The following STAB1 variants were observed in gnomAD, a reference collection of about 807,000 sequenced individuals.
The protein encoded by STAB1 is stabilin-1.
STAB1 carries 250 observed loss-of-function variants against 332.4 expected under a neutral mutation model. That is an observed-to-expected ratio of 0.75 (90% confidence interval 0.68 to 0.84). The LOEUF (loss-of-function observed/expected upper bound fraction) is 0.84. Ranked by LOEUF, STAB1 falls within the 40% of genes least tolerant of loss-of-function variation. STAB1 has a pLI of 0.00. For missense variants in STAB1, 3,249 were observed against 3,489.7 expected (o/e 0.93, Z 1.74); for synonymous variants, 1,475 against 1,390.4 (o/e 1.06, Z -1.35).
Position 52,521,518 on chromosome 3 carries a change from A to G in STAB1, c.6058+8A>G. On this transcript the variant is annotated splice_region_variant and intron_variant, in intron 56 of 68. Transcript: ENST00000321725. ...TTGGGCCCCATTGTCAAGGTGGGCC[A>G]TCCCTGCCTGCCCCACGGCCCGATT... 6.2e-7 allele frequency: 1 copy of G among 1,613,912 alleles called. No homozygotes were observed. The highest frequency in any genetic ancestry group is 1.3e-5 in the African/African-American group (1 of 75,052).
At position 52,517,399 on chromosome 3, in the gene STAB1, C is replaced by A; in HGVS notation, c.4563+6C>A. The A allele has an allele frequency of 6.3e-7, 1 of 1,599,250 alleles. No individual in the cohort carries two copies. The highest frequency in any genetic ancestry group is 8.5e-7 in the Non-Finnish European group (1 of 1,173,532). ...TCCCCACTGGCCCCCAGCAGGTCAG[C>A]ATGGCAGGGTTGGACATGGGGCATC... is the stretch of plus-strand genomic sequence containing the variant. On this transcript the variant is annotated splice_donor_region_variant and intron_variant, in intron 43 of 68. Coordinates refer to ENST00000321725, the MANE Select transcript of STAB1 (RefSeq NM_015136.3).
At chr3:52,515,364 C>A in intron 36 of STAB1, 59 bp from the exon 37 acceptor site, 1 of 1,533,822 alleles carries the variant, frequency 6.5e-7, no homozygotes, top group South Asian at 1.1e-5. Flanking sequence ...TCTCCCCATT[C>A]ACTGCCCTGC....
Position 52,524,331 on chromosome 3 carries a change from C to T in STAB1, c.7688C>T (p.Thr2563Ile), listed in dbSNP as rs1184624881. The change falls in exon 69 of 69, where the codon ACC (threonine) becomes ATC (isoleucine). Residue 2563 changes from threonine (T) to isoleucine (I), a missense_variant. Physicochemically the swap from Thr to Ile is moderately conservative, Grantham distance 89. Coordinates refer to ENST00000321725, the MANE Select transcript of STAB1 (RefSeq NM_015136.3). ...DSLLEEDFPD[T>I]QRILTVK ...CTGCTGGAGGAGGACTTCCCTGACA[C>T]CCAGAGGATCCTCACAGTCAAGTGA... The T allele has an allele frequency of 6.2e-6, 10 of 1,613,752 alleles. No individual in the cohort carries two copies. Among genetic ancestry groups the T allele is most frequent in the African/African-American group, 1.3e-5 (1 of 74,944 alleles).
chr3:52,501,408 C>T (rs1325307159), intron 2 of STAB1, 106 bp downstream of exon 2: 2 of 1,517,754 alleles, frequency 1.3e-6, no homozygotes, highest in Non-Finnish European at 1.8e-6. Context: ...ACTCACTTAT[C>T]CATGCCCCTG....
chr3:52,519,642 G>A, intron 50 of STAB1, 78 bp downstream of exon 50: 1 of 1,578,526 alleles, frequency 6.3e-7, no homozygotes, highest in Non-Finnish European at 8.7e-7. Flanking sequence ...GCGTACCTGT[G>A]TGTGCATACC....
intron 36 of STAB1, 103 bp downstream of exon 36, chr3:52,515,148 G>T (rs2078817110): frequency 1.7e-5 from 25 of 1,432,292 alleles, no homozygotes; most frequent in African/African-American, 9.9e-5. Context: ...CTTGGCCCAG[G>T]CATCCAGGCT....
chr3:52,509,795 C>T, intron 22 of STAB1, 75 bp from the exon 23 acceptor site: 3 of 1,572,150 alleles, frequency 1.9e-6, no homozygotes, highest in Non-Finnish European at 2.6e-6. Context: ...CCCTATATCC[C>T]CCAAACCCAT....
chr3:52,498,384 A>ACC (rs1708199246), intron 1 of STAB1, among the ~76,000 whole-genome samples: 1 of 152,176 alleles, frequency 6.6e-6, no homozygotes, highest in African/African-American at 2.4e-5. Context: ...AGCTGGACCA[A>ACC]CGGCAAGATG....
rs1303488561 is a variant in STAB1 at position 52,523,142 on chromosome 3, G to A, written c.7020+8G>A. On this transcript the variant is annotated splice_region_variant and intron_variant, in intron 63 of 68. Transcript: ENST00000321725. ...TTCTCCACCTTCTATGGGGTGTGTGGGGGCCACCCTTGGGGGCGGGGGGTG... is the reference window on the plus strand; with the variant it reads ...TTCTCCACCTTCTATGGGGTGTGTGAGGGCCACCCTTGGGGGCGGGGGGTG... 1.9e-6 allele frequency: 3 copies of A among 1,604,450 alleles called. No homozygotes were observed. Among genetic ancestry groups the A allele is most frequent in the South Asian group, 2.2e-5 (2 of 89,502 alleles).
At position 52,522,658 on chromosome 3, in the gene STAB1, T is replaced by G; in HGVS notation, c.6714T>G (p.Ala2238=). 2.5e-6 allele frequency: 4 copies of G among 1,612,936 alleles called. No individual in the cohort carries two copies. Among genetic ancestry groups the G allele is most frequent in the Non-Finnish European group, 3.4e-6 (4 of 1,180,026 alleles). ...AACEAQGAVL[A]SFPQLSAAQQ... ...GCGAAGCACAGGGAGCCGTCCTTGCTTCATTCCCTCAGCTCTCTGCTGCCC... is the reference window on the plus strand; with the variant it reads ...GCGAAGCACAGGGAGCCGTCCTTGCGTCATTCCCTCAGCTCTCTGCTGCCC... Residue 2238 remains alanine, a synonymous_variant, in exon 61 of 69, where the codon GCT becomes GCG. Coordinates refer to ENST00000321725, the MANE Select transcript of STAB1 (RefSeq NM_015136.3).
chr3:52,522,452 G>A lies in STAB1; in HGVS notation c.6588G>A (p.Met2196Ile), dbSNP rs1266625304. The A allele has an allele frequency of 6.2e-7, 1 of 1,613,060 alleles. No homozygotes were observed. The highest frequency in any genetic ancestry group is 1.3e-5 in the African/African-American group (1 of 74,946). The change falls in exon 60 of 69, where the codon ATG becomes ATA. Residue 2196 changes from methionine (M) to isoleucine (I), a missense_variant. Met to Ile is a conservative substitution (Grantham distance 10). Transcript: ENST00000321725. Reference protein sequence around the residue: ...GQPPPCHSDAMCTDLHFQEKR... With the variant: ...GQPPPCHSDAICTDLHFQEKR... Reference sequence around the variant, plus strand: ...CACCGCCCTGCCACTCAGATGCCATGTGCACTGACCTGCACTTCCAGGGTG... The same window carrying A: ...CACCGCCCTGCCACTCAGATGCCATATGCACTGACCTGCACTTCCAGGGTG...
At chr3:52,508,631 G>A (rs1709061435) in intron 21 of STAB1, 1 of 411,986 alleles carries the variant, frequency 2.4e-6, no homozygotes, top group Non-Finnish European at 4.6e-6. Flanking sequence ...AGACCAGCCT[G>A]GTCAACATGG....
intron 37 of STAB1, among the ~76,000 whole-genome samples, 183 bp from the exon 38 acceptor site, chr3:52,515,860 G>T (rs908817735): frequency 2.6e-5 from 4 of 152,170 alleles, no homozygotes; most frequent in Admixed American, 2.0e-4. Flanking sequence ...TCCCCACCCT[G>T]CCAGAGGGAG....
rs201907258 is a variant in STAB1 at position 52,512,879 on chromosome 3, T to C, written c.3079T>C (p.Ser1027Pro). 69 of 1,611,672 alleles carry C rather than the reference T, an allele frequency of 4.3e-5. No individual in the cohort carries two copies. The African/African-American group carries it at 8.1e-4, about 19-fold the overall frequency. ...CCGCCGAGTCACAGCCCTGGTGCCCTCCGAGGCTGCAGTCCGTCAGCTGAG... is the reference window on the plus strand; with the variant it reads ...CCGCCGAGTCACAGCCCTGGTGCCCCCCGAGGCTGCAGTCCGTCAGCTGAG... ...ADRRVTALVPSEAAVRQLSPE... is the reference protein window; with the variant it reads ...ADRRVTALVPPEAAVRQLSPE... Residue 1027 changes from serine to proline, a missense_variant, in exon 29 of 69, where the codon TCC becomes CCC. Transcript: ENST00000321725.
At chr3:52,505,983 C>G (rs775396523) in intron 16 of STAB1, 47 bp downstream of exon 16, 2 of 1,609,918 alleles carry the variant, frequency 1.2e-6, no homozygotes, top group African/African-American at 2.7e-5. Context: ...CCCGGTGGGC[C>G]TGCCTGCAGG....
rs1020029528 is a variant in STAB1, at chr3:52,522,381, T to C, written c.6517T>C (p.Cys2173Arg). The C allele has an allele frequency of 5.6e-6, 9 of 1,612,820 alleles. No homozygotes were observed. The highest frequency in any genetic ancestry group is 7.6e-6 in the Non-Finnish European group (9 of 1,180,014). ...HAGYVGDGLQ[C>R]LEESEPPVDR... ...AGGCTACGTAGGCGATGGACTGCAG[T>C]GTCTGGAGGAGTCGGAACCACCTGT... The change falls in exon 60 of 69, where the codon TGT (cysteine) becomes CGT (arginine). Residue 2173 changes from cysteine (C) to arginine (R), a missense_variant. Transcript: ENST00000321725.
rs760198330 is a variant in STAB1 at position 52,504,534 on chromosome 3, C to T, written c.1224C>T (p.Ser408=). Residue 408 remains serine, a synonymous_variant, in exon 11 of 69, where the codon TCC becomes TCT. Transcript: ENST00000321725. ...TVLVPSVSSF[S]SRTMNASLAQ... is the part of the protein sequence containing the mutation. ...TGGTGCCATCCGTCTCCTCCTTCTCCTCCAGGACCATGAATGTAAGCCCCT... is the reference window on the plus strand; with the variant it reads ...TGGTGCCATCCGTCTCCTCCTTCTCTTCCAGGACCATGAATGTAAGCCCCT... 12 of 1,613,984 alleles carry T rather than the reference C, an allele frequency of 7.4e-6. No homozygotes were observed. Among genetic ancestry groups the T allele is most frequent in the Non-Finnish European group, 9.3e-6 (11 of 1,180,034 alleles).
chr3:52,504,374 C>T (rs1708687493), intron 10 of STAB1, 87 bp from the exon 11 acceptor site: 5 of 1,482,000 alleles, frequency 3.4e-6, no homozygotes, highest in Non-Finnish European at 4.7e-6. Context: ...CCCAACTCCC[C>T]CACACCAGGT....
rs373522374 is a variant in STAB1 at position 52,520,471 on chromosome 3, C to T, written c.5571C>T (p.Ala1857=). ...QRHLPFEGGL[A]YGIDQLLEPP... ...ACTTGCCCTTTGAGGGTGGCCTGGC[C>T]TATGGCATCGACCAGCTGCTGGAGC... The change falls in exon 53 of 69, where the codon GCC becomes GCT. Residue 1857 remains alanine, a synonymous_variant. Transcript: ENST00000321725. 5 of 1,612,676 alleles carry T rather than the reference C, an allele frequency of 3.1e-6. No individual in the cohort carries two copies. In the African/African-American group the frequency reaches 5.3e-5, roughly 17 times the overall value.
Sources: gnomAD v4.1 joint callset for allele counts (sites outside exome capture counted in the v4.1 genomes callset) on GRCh38, gnomAD v4.1.1 for gene constraint, MANE v1.5 for transcripts, NCBI Gene and HGNC (gene_info 2026-07-23, HGNC 2026-07-21) for gene names.